PTPRD: variants seen among roughly 807,000 people sequenced by gnomAD.
The protein encoded by PTPRD is receptor-type tyrosine-protein phosphatase delta.
In PTPRD, 34 loss-of-function variants were observed where a neutral mutation model predicts 214.5. That is an observed-to-expected ratio of 0.16 (90% CI 0.12 to 0.21). The LOEUF (loss-of-function observed/expected upper bound fraction) is 0.21, where lower values mean the gene tolerates loss of function less well. PTPRD is among the 10% of genes least tolerant of loss of function. The probability of loss-of-function intolerance (pLI) is 1.00; values close to 1 mark genes in which losing one functional copy is unlikely to be tolerated. For synonymous variants in PTPRD, 1,128 were observed against 845.7 expected (o/e 1.33, Z -5.79); for missense variants, 2,545 against 2,398.7 (o/e 1.06, Z -1.27).
intron 10 of PTPRD, among the ~76,000 whole-genome samples, chr9:9,140,265 A>C (rs1239015651): frequency 6.6e-6 from 1 of 152,130 alleles, no homozygotes; most frequent in Non-Finnish European, 1.5e-5. Context: ...GACTAAATGC[A>C]GTGTTTTATC....
At chr9:8,673,980 C>A (rs1344005851) in intron 12 of PTPRD, among the ~76,000 whole-genome samples, 3 of 152,056 alleles carry the variant, frequency 2.0e-5, no homozygotes, top group Non-Finnish European at 2.9e-5. Context: ...CCAAATATTC[C>A]CTGGGAAACA....
At chr9:9,026,076 TGTG>T (rs2099586019) in intron 10 of PTPRD, among the ~76,000 whole-genome samples, 1 of 151,830 alleles carries the variant, frequency 6.6e-6, no homozygotes, top group Non-Finnish European at 1.5e-5. Context: ...AACAGGGTAT[TGTG>T]GTAGTGAATG....
intron 7 of PTPRD, among the ~76,000 whole-genome samples, chr9:9,589,698 A>G (rs993305622): frequency 7.9e-5 from 12 of 152,030 alleles, no homozygotes; most frequent in Non-Finnish European, 1.5e-5. Flanking sequence ...AAGACAACCC[A>G]TTATTTCATA....
chr9:8,507,153 G>T, intron 22 of PTPRD, 148 bp downstream of exon 22: 3 of 816,892 alleles, frequency 3.7e-6, no homozygotes, highest in Non-Finnish European at 5.2e-6. Flanking sequence ...GGGGGGGAGG[G>T]GGAGTCAAGT....
chr9:10,414,784 G>C (rs540663190), intron 2 of PTPRD, among the ~76,000 whole-genome samples: 1 of 152,020 alleles, frequency 6.6e-6, no homozygotes, highest in Non-Finnish European at 1.5e-5. Context: ...CATATCTTTT[G>C]TGGAAACATG....
chr9:9,192,008 C>G (rs1218652254), intron 9 of PTPRD, among the ~76,000 whole-genome samples: 2 of 151,882 alleles, frequency 1.3e-5, no homozygotes, highest in Non-Finnish European at 2.9e-5. Flanking sequence ...ATAGCTAACC[C>G]AATTCCTGTA....
chr9:8,761,077 TG>T (rs971515682), intron 11 of PTPRD, among the ~76,000 whole-genome samples: 1 of 152,260 alleles, frequency 6.6e-6, no homozygotes, highest in South Asian at 2.1e-4. Context: ...CAGATGACTG[TG>T]GGATGAAGCT....
At chr9:10,363,171 TC>T (rs2097429087) in intron 2 of PTPRD, among the ~76,000 whole-genome samples, 1 of 152,194 alleles carries the variant, frequency 6.6e-6, no homozygotes, top group Non-Finnish European at 1.5e-5. Flanking sequence ...AAATTGTGAA[TC>T]TTGTTAAAAT....
At chr9:10,365,519 G>C (rs2097499278) in intron 2 of PTPRD, among the ~76,000 whole-genome samples, 1 of 152,064 alleles carries the variant, frequency 6.6e-6, no homozygotes, top group African/African-American at 2.4e-5. Context: ...TATACTTGAA[G>C]TATTTTCCTA....
At chr9:8,536,408 T>TAC (rs138968657) in intron 14 of PTPRD, among the ~76,000 whole-genome samples, 1 of 151,832 alleles carries the variant, frequency 6.6e-6, no homozygotes, top group Non-Finnish European at 1.5e-5. Flanking sequence ...TATACATACA[T>TAC]ACACACACAC....
At chr9:9,833,339 C>T (rs2055586637) in intron 5 of PTPRD, among the ~76,000 whole-genome samples, 1 of 151,830 alleles carries the variant, frequency 6.6e-6, no homozygotes, top group Non-Finnish European at 1.5e-5. Context: ...CAAAAACCAG[C>T]AAGTTTTTAT....
intron 11 of PTPRD, among the ~76,000 whole-genome samples, chr9:8,950,256 G>T (rs917735482): frequency 3.9e-5 from 6 of 152,110 alleles, no homozygotes; most frequent in African/African-American, 1.4e-4. Flanking sequence ...TGGAATCAGG[G>T]TTGTAATTTA....
chr9:9,347,190 A>G (rs2049176046), intron 9 of PTPRD, among the ~76,000 whole-genome samples: 1 of 151,902 alleles, frequency 6.6e-6, no homozygotes, highest in Non-Finnish European at 1.5e-5. Context: ...AGCCTCTTCA[A>G]AATGTTTGAA....
chr9:10,195,020 C>T (rs936613327), intron 3 of PTPRD, among the ~76,000 whole-genome samples: 6 of 150,228 alleles, frequency 4.0e-5, no homozygotes, highest in African/African-American at 1.5e-4. Flanking sequence ...GTAACCTCTG[C>T]CTCCTGGGTT....
At chr9:10,556,950 T>C (rs181693244) in intron 2 of PTPRD, among the ~76,000 whole-genome samples, 1 of 152,064 alleles carries the variant, frequency 6.6e-6, no homozygotes, top group Admixed American at 6.6e-5. Flanking sequence ...ACAAGTAATA[T>C]ATCAGTTAAA....
intron 5 of PTPRD, among the ~76,000 whole-genome samples, chr9:9,793,650 A>T (rs1314710498): frequency 6.6e-6 from 1 of 152,020 alleles, no homozygotes; most frequent in East Asian, 1.9e-4. Flanking sequence ...AGCGGGAAAA[A>T]TTTTTTATTC....
chr9:9,292,262 G>A (rs546948000), intron 9 of PTPRD, among the ~76,000 whole-genome samples: 1 of 150,972 alleles, frequency 6.6e-6, no homozygotes, highest in Non-Finnish European at 1.5e-5. Context: ...AGCATAACTG[G>A]TTCTTTATCT....
chr9:9,929,364 G>C (rs963544924), intron 5 of PTPRD, among the ~76,000 whole-genome samples: 6 of 152,108 alleles, frequency 3.9e-5, no homozygotes, highest in African/African-American at 1.2e-4. Flanking sequence ...TTTGCTTTTT[G>C]AAACTTGATA....
chr9:9,711,864 C>G (rs1339085467), intron 7 of PTPRD, among the ~76,000 whole-genome samples: 1 of 152,164 alleles, frequency 6.6e-6, no homozygotes, highest in African/African-American at 2.4e-5. Context: ...ATGCCTGATT[C>G]AGAGTCATGG....
Sources: allele counts gnomAD v4.1 joint callset (sites outside exome capture counted in the v4.1 genomes callset), GRCh38; gene constraint gnomAD v4.1.1; transcripts MANE v1.5; gene names NCBI Gene and HGNC (gene_info 2026-07-23, HGNC 2026-07-21).